Variants in CLCN5 observed in about 807,000 individuals in gnomAD.
CLCN5 encodes the protein Cl-/H+ antiporter 5.
In CLCN5, 17 loss-of-function variants were observed where a neutral mutation model predicts 54.0. That is an observed-to-expected ratio of 0.31 (90% CI 0.22 to 0.47). The LOEUF (loss-of-function observed/expected upper bound fraction) is 0.47, where lower values mean the gene tolerates loss of function less well. CLCN5 is among the 20% of genes least tolerant of loss of function. The pLI, the probability that CLCN5 is intolerant of heterozygous loss-of-function variation, is 1.00. For missense variants in CLCN5, 448 were observed against 646.7 expected (o/e 0.69, Z 3.33); for synonymous variants, 222 against 233.0 (o/e 0.95, Z 0.43).
chrX:50,059,069 T>C (rs1932810495), intron 4 of CLCN5, among the ~76,000 whole-genome samples: 1 of 111,996 alleles, frequency 8.9e-6, no homozygotes, highest in Admixed American at 9.5e-5. Flanking sequence ...AAATTTATTT[T>C]CTTTCTATTA....
At chrX:49,954,730 G>T (rs1223576884) in intron 3 of CLCN5, among the ~76,000 whole-genome samples, 1 of 111,464 alleles carries the variant, frequency 9.0e-6, no homozygotes, top group Admixed American at 9.5e-5. Context: ...GAAGGAAGGA[G>T]AATTAAGAGC....
rs1477993250 is a variant in CLCN5, at chrX:50,062,405, CAAAG to C, written c.164-7471_164-7468del. Among the ~76,000 whole-genome samples, 126 of 53,971 alleles carry C rather than the reference CAAAG, an allele frequency of 2.3e-3. 2 individuals carry two copies. The highest frequency in any genetic ancestry group is 3.3e-3 in the Non-Finnish European group (105 of 31,372). The allele number at this position is 53,971 out of a possible 115,157, so 46.9% of individuals were successfully genotyped here. A position where few individuals can be genotyped will look rare whatever the true frequency, so the allele number is the denominator to read the frequency against. ...TTAAACCAACAAAGATCAAAAGAGA[CAAAG>C]AAGGCCATTACATAATGGTAAAGGG... On this transcript the variant is annotated intron_variant, in intron 4 of 14. Transcript: ENST00000376091.
chrX:50,030,862 T>C (rs1413349801), intron 3 of CLCN5, among the ~76,000 whole-genome samples: 1 of 112,221 alleles, frequency 8.9e-6, no homozygotes, highest in Non-Finnish European at 1.9e-5. Flanking sequence ...TTCTTATATA[T>C]AGCAGGCAAA....
intron 7 of CLCN5, among the ~76,000 whole-genome samples, chrX:50,080,069 A>T (rs1289215449): frequency 9.0e-6 from 1 of 111,571 alleles, no homozygotes; most frequent in Non-Finnish European, 1.9e-5. Context: ...AAAAAATTTT[A>T]AAAAGCAAAG....
Position 50,069,917 on chromosome X carries a change from A to G in CLCN5, c.202A>G (p.Asn68Asp). 1 of 1,210,325 alleles carries G rather than the reference A, an allele frequency of 8.3e-7. No individual in the cohort carries two copies. Among genetic ancestry groups the G allele is most frequent in the Non-Finnish European group, 1.1e-6 (1 of 894,416 alleles). Residue 68 changes from asparagine to aspartate, a missense_variant, in exon 5 of 15, where the codon AAT becomes GAT. Asn to Asp is a conservative substitution (Grantham distance 23, BLOSUM62 1). Coordinates refer to ENST00000376091, the MANE Select transcript of CLCN5 (RefSeq NM_001127898.4). ...CAATGGTGGAGGAATAGGTTCTTCA[A>G]ATAGGATCATGGACTTCTTGGAGGA... ...SYNGGGIGSS[N>D]RIMDFLEEPI...
chrX:50,046,711 T>C (rs1932407025), intron 4 of CLCN5, among the ~76,000 whole-genome samples: 1 of 111,489 alleles, frequency 9.0e-6, no homozygotes, highest in Non-Finnish European at 1.9e-5. Flanking sequence ...ATTTGAGTTT[T>C]AGAGAATTTT....
chrX:50,007,556 G>A (rs1459720257), intron 3 of CLCN5, among the ~76,000 whole-genome samples: 1 of 109,423 alleles, frequency 9.1e-6, no homozygotes, highest in Non-Finnish European at 1.9e-5. Flanking sequence ...GAGATTGAAG[G>A]AGAACCTCAT....
Position 49,965,060 on chromosome X carries a change from A to T in CLCN5, c.16+39746A>T, listed in dbSNP as rs919144290. 9.0e-5 allele frequency among the ~76,000 whole-genome samples: 10 copies of T among 111,642 alleles called. No individual in the cohort carries two copies. In the Admixed American group the frequency reaches 9.6e-4, roughly 11 times the overall value. ...TAGGGCACCCAGCAGGATTGAAATA[A>T]GTCAGTCAACAGTTTTGTATAGCTC... On this transcript the variant is annotated intron_variant, in intron 3 of 14. Coordinates refer to ENST00000376091, the MANE Select transcript of CLCN5 (RefSeq NM_001127898.4).
intron 3 of CLCN5, among the ~76,000 whole-genome samples, chrX:49,983,356 A>G (rs1928841841): frequency 9.0e-6 from 1 of 111,553 alleles, no homozygotes; most frequent in Non-Finnish European, 1.9e-5. Context: ...TACTAACACG[A>G]TGAGTGAATA....
At chrX:49,927,018 C>T in intron 3 of CLCN5, among the ~76,000 whole-genome samples, 1 of 110,911 alleles carries the variant, frequency 9.0e-6, no homozygotes, top group East Asian at 2.8e-4. Flanking sequence ...AGATGGGGAG[C>T]ATGGGAGGCA....
intron 3 of CLCN5, among the ~76,000 whole-genome samples, chrX:49,943,728 T>C (rs1926521927): frequency 1.8e-5 from 2 of 111,690 alleles, no homozygotes; most frequent in African/African-American, 6.5e-5. Flanking sequence ...TGTGGCATTA[T>C]TTCTGAGTGC....
intron 3 of CLCN5, among the ~76,000 whole-genome samples, chrX:49,991,398 A>T (rs1329388079): frequency 7.2e-5 from 8 of 110,379 alleles, no homozygotes; most frequent in African/African-American, 2.6e-4. Context: ...TTTTGAGGGG[A>T]TTATTATTTT....
chrX:50,025,616 C>G (rs1931334638), intron 3 of CLCN5, among the ~76,000 whole-genome samples: 1 of 111,617 alleles, frequency 9.0e-6, no homozygotes, highest in African/African-American at 3.3e-5. Context: ...CCTTCTGTGT[C>G]TTTCTTTGAT....
intron 3 of CLCN5, among the ~76,000 whole-genome samples, chrX:49,991,020 G>C (rs782796269): frequency 1.8e-5 from 2 of 112,422 alleles, no homozygotes; most frequent in South Asian, 3.6e-4. Flanking sequence ...TATAACATGC[G>C]TGTGCAAGTG....
At position 50,086,309 on chromosome X, in the gene CLCN5, C is replaced by T. The variant is rs782512829; in HGVS notation, c.1015-19C>T. 2.5e-6 allele frequency: 3 copies of T among 1,202,192 alleles called. No homozygotes were observed. Among genetic ancestry groups the T allele is most frequent in the Admixed American group, 2.2e-5 (1 of 45,254 alleles). On this transcript the variant is annotated intron_variant, in intron 10 of 14. Transcript: ENST00000376091. ...TCTGCGTATTGACTGAGTTTGCTTTCTCACCTTCTTTCTTCTAGGTCAGCT... is the reference window on the plus strand; with the variant it reads ...TCTGCGTATTGACTGAGTTTGCTTTTTCACCTTCTTTCTTCTAGGTCAGCT...
At chrX:50,038,738 C>A (rs1461604124) in intron 3 of CLCN5, among the ~76,000 whole-genome samples, 1 of 111,566 alleles carries the variant, frequency 9.0e-6, no homozygotes, top group Non-Finnish European at 1.9e-5. Context: ...AAAGTGGGAG[C>A]AAATTAGCAA....
chrX:49,988,244 A>G (rs544359332), intron 3 of CLCN5, among the ~76,000 whole-genome samples: 1 of 111,101 alleles, frequency 9.0e-6, no homozygotes, highest in South Asian at 3.9e-4. Context: ...TATATTGTCC[A>G]TCACCCAGGC....
chrX:50,065,326 A>G (rs2147529030), intron 4 of CLCN5, among the ~76,000 whole-genome samples: 1 of 83,266 alleles, frequency 1.2e-5, no homozygotes, highest in East Asian at 3.7e-4. Flanking sequence ...AAAAAAACAA[A>G]CAACCCCATC....
intron 3 of CLCN5, among the ~76,000 whole-genome samples, chrX:49,940,374 C>A (rs191240272): frequency 8.9e-6 from 1 of 112,225 alleles, no homozygotes. Flanking sequence ...TGACTGAAAT[C>A]ATATCTCTGA....
Sources: allele counts gnomAD v4.1 joint callset (sites outside exome capture counted in the v4.1 genomes callset), GRCh38; gene constraint gnomAD v4.1.1; transcripts MANE v1.5; gene names NCBI Gene and HGNC (gene_info 2026-07-23, HGNC 2026-07-21).